The following MCPH1 variants were observed in gnomAD, a reference collection of about 807,000 sequenced individuals.
MCPH1 encodes microcephalin.
A neutral mutation model predicts 84.5 loss-of-function variants in MCPH1; 104 were observed. The observed-to-expected ratio is 1.23, with a 90% confidence interval of 1.05 to 1.45. MCPH1 has a LOEUF of 1.45. MCPH1 is among the 40% of genes most tolerant of loss of function. MCPH1 has a pLI of 0.00. For synonymous variants in MCPH1, 514 were observed against 366.8 expected (o/e 1.40, Z -4.58); for missense variants, 1,498 against 1,005.7 (o/e 1.49, Z -6.62).
At chr8:6,493,075 A>G (rs1810832872) in intron 11 of MCPH1, among the ~76,000 whole-genome samples, 1 of 152,086 alleles carries the variant, frequency 6.6e-6, no homozygotes, top group African/African-American at 2.4e-5. Context: ...TCTGCTGTTT[A>G]TTTTAGTTGC....
Position 6,426,274 on chromosome 8 carries a change from C to G in MCPH1, c.234-5225C>G, listed in dbSNP as rs114419999. ...GGGTTTTTTGTGTATACCTGTGTCA[C>G]CACCACAACCAAAATACAGAGCATT... On this transcript the variant is annotated intron_variant, in intron 3 of 13. Transcript: ENST00000344683. Among the ~76,000 whole-genome samples the G allele has an allele frequency of 2.7e-3, 406 of 152,286 alleles. 2 individuals are homozygous for G. Among genetic ancestry groups the G allele is most frequent in the African/African-American group, 9.4e-3 (392 of 41,558 alleles).
chr8:6,607,039 G>T (rs148985456), intron 12 of MCPH1, among the ~76,000 whole-genome samples: 16 of 152,292 alleles, frequency 1.1e-4, no homozygotes, highest in African/African-American at 3.1e-4. Context: ...AATGCATTTG[G>T]AAACCAAGAG....
intron 12 of MCPH1, among the ~76,000 whole-genome samples, chr8:6,525,766 C>G (rs575600967): frequency 1.3e-5 from 2 of 152,182 alleles, no homozygotes; most frequent in African/African-American, 4.8e-5. Context: ...ATGAAAAAAA[C>G]CTTTTTATTT....
At chr8:6,632,680 G>A (rs1385201136) in intron 13 of MCPH1, among the ~76,000 whole-genome samples, 1 of 152,022 alleles carries the variant, frequency 6.6e-6, no homozygotes, top group African/African-American at 2.4e-5. Flanking sequence ...GTGGTGGCAC[G>A]TGCCTGTAGT....
intron 3 of MCPH1, among the ~76,000 whole-genome samples, chr8:6,426,346 C>A (rs549920808): frequency 3.3e-5 from 5 of 152,306 alleles, no homozygotes; most frequent in African/African-American, 1.2e-4. Context: ...GTCGGCCTCC[C>A]TGCCCCCTCC....
chr8:6,546,843 C>T (rs914242355), intron 12 of MCPH1, among the ~76,000 whole-genome samples: 5 of 152,098 alleles, frequency 3.3e-5, no homozygotes, highest in Admixed American at 6.5e-5. Context: ...TATCGGAAAG[C>T]GAGTAAGTCA....
chr8:6,608,898 C>A (rs1000560100), intron 12 of MCPH1, among the ~76,000 whole-genome samples: 1 of 152,142 alleles, frequency 6.6e-6, no homozygotes, highest in Admixed American at 6.5e-5. Flanking sequence ...ACTTAATTAG[C>A]GTGGGGTGGG....
intron 12 of MCPH1, among the ~76,000 whole-genome samples, chr8:6,506,169 C>T (rs895784436): frequency 4.0e-5 from 6 of 151,602 alleles, no homozygotes; most frequent in Non-Finnish European, 7.4e-5. Flanking sequence ...CGGAAGTTTG[C>T]GTGTTCTATT....
At chr8:6,480,323 A>G (rs1183414279) in intron 10 of MCPH1, among the ~76,000 whole-genome samples, 1 of 151,734 alleles carries the variant, frequency 6.6e-6, no homozygotes, top group Non-Finnish European at 1.5e-5. Context: ...ACGGGGTTTC[A>G]CCATGTTGGC....
intron 12 of MCPH1, among the ~76,000 whole-genome samples, chr8:6,511,251 G>A (rs1815026127): frequency 1.3e-5 from 2 of 151,730 alleles, no homozygotes; most frequent in South Asian, 4.2e-4. Context: ...ATTAAGAATG[G>A]CCACGTTCTT....
At chr8:6,481,699 T>G (rs1374346230) in intron 11 of MCPH1, among the ~76,000 whole-genome samples, 1 of 152,256 alleles carries the variant, frequency 6.6e-6, no homozygotes, top group Non-Finnish European at 1.5e-5. Flanking sequence ...TGACAGAGGT[T>G]AAAGAGATTA....
In MCPH1 at chr8:6,504,078, GGAGGCC is replaced by G. The variant is rs559991557; in HGVS notation, c.2214+4154_2214+4159del. ...TCACGCCTGTAATCCCAGCACTTTG[GGAGGCC>G]GAGGTGGGTGGATCACGAGATCAGG... On this transcript the variant is annotated intron_variant, in intron 12 of 13. Transcript: ENST00000344683. Among the ~76,000 whole-genome samples, 342 of 152,282 alleles carry G rather than the reference GGAGGCC, an allele frequency of 2.2e-3. 10 individuals carry two copies. The South Asian group carries it at 0.048, about 21-fold the overall frequency.
chr8:6,561,567 C>T (rs966126723), intron 12 of MCPH1, among the ~76,000 whole-genome samples: 6 of 152,196 alleles, frequency 3.9e-5, no homozygotes, highest in African/African-American at 1.4e-4. Context: ...GGTCATGCGT[C>T]AAATGAGGCT....
chr8:6,582,346 C>G (rs1827626181), intron 12 of MCPH1, among the ~76,000 whole-genome samples: 1 of 152,134 alleles, frequency 6.6e-6, no homozygotes, highest in Non-Finnish European at 1.5e-5. Flanking sequence ...ACATAGGTAG[C>G]CTTATTTTGC....
intron 11 of MCPH1, among the ~76,000 whole-genome samples, chr8:6,481,768 G>C (rs2922814): frequency 6.6e-6 from 1 of 151,622 alleles, no homozygotes; most frequent in Non-Finnish European, 1.5e-5. Flanking sequence ...CTGTTCATTT[G>C]CATTGGTGGC....
chr8:6,637,114 G>T (rs1797610751), intron 13 of MCPH1, among the ~76,000 whole-genome samples: 2 of 152,232 alleles, frequency 1.3e-5, no homozygotes, highest in Non-Finnish European at 2.9e-5. Flanking sequence ...CATTTACCCA[G>T]TAGATATTTC....
At chr8:6,585,368 A>G (rs1355094908) in intron 12 of MCPH1, among the ~76,000 whole-genome samples, 2 of 152,136 alleles carry the variant, frequency 1.3e-5, no homozygotes, top group Admixed American at 1.3e-4. Context: ...AGGGAGGGAG[A>G]AGCTGTGTGT....
chr8:6,636,011 T>A (rs4841450), intron 13 of MCPH1, among the ~76,000 whole-genome samples: 5,090 of 152,196 alleles, frequency 0.033, 117 homozygotes, highest in South Asian at 0.057. Context: ...TGTGAATAAG[T>A]GTAAGGAAAT....
At chr8:6,566,943 C>G (rs551836064) in intron 12 of MCPH1, among the ~76,000 whole-genome samples, 1 of 144,358 alleles carries the variant, frequency 6.9e-6, no homozygotes, top group African/African-American at 2.6e-5. Flanking sequence ...GTGCGGTGAC[C>G]GTGTGTGATC....
Sources: allele counts gnomAD v4.1 joint callset (sites outside exome capture counted in the v4.1 genomes callset), GRCh38; gene constraint gnomAD v4.1.1; transcripts MANE v1.5; gene names NCBI Gene and HGNC (gene_info 2026-07-23, HGNC 2026-07-21).